PRKG1: variants seen among roughly 807,000 people sequenced by gnomAD.
PRKG1 encodes cGMP-dependent protein kinase 1.
Under a neutral mutation model 88.1 loss-of-function variants are expected in PRKG1, and 35 were observed. The observed-to-expected ratio is 0.40, with a 90% confidence interval of 0.30 to 0.53. PRKG1 has a LOEUF of 0.53. Ranked by LOEUF, PRKG1 falls within the 20% of genes least tolerant of loss-of-function variation. PRKG1 has a pLI of 0.59. For missense variants in PRKG1, 540 were observed against 839.8 expected, an observed-to-expected ratio of 0.64 and a Z score of 4.41; for synonymous variants, 303 against 292.5, an observed-to-expected ratio of 1.04 and a Z score of -0.37.
intron 3 of PRKG1, among the ~76,000 whole-genome samples, chr10:51,549,615 T>G (rs1842533197): frequency 6.6e-6 from 1 of 152,282 alleles, no homozygotes; most frequent in South Asian, 2.1e-4. Flanking sequence ...AGATTACCTG[T>G]TTAAAGATGC....
intron 3 of PRKG1, among the ~76,000 whole-genome samples, chr10:51,600,251 A>T (rs572647987): frequency 3.3e-5 from 5 of 152,288 alleles, no homozygotes; most frequent in Admixed American, 2.0e-4. Context: ...ATGTGGAAGC[A>T]TGTGTGTCTT....
chr10:52,123,087 A>G (rs779624315), intron 7 of PRKG1, among the ~76,000 whole-genome samples: 24 of 152,234 alleles, frequency 1.6e-4, no homozygotes, highest in Admixed American at 5.2e-4. Flanking sequence ...GGCTCAGTCT[A>G]ATAAATGGCT....
Position 51,782,779 on chromosome 10 carries a change from C to T in PRKG1, c.593-21806C>T, listed in dbSNP as rs547076983. Among the ~76,000 whole-genome samples the T allele has an allele frequency of 1.1e-3, 171 of 152,222 alleles. 1 individual carries two copies. Among genetic ancestry groups the T allele is most frequent in the African/African-American group, 3.9e-3 (162 of 41,544 alleles). On this transcript the variant is annotated intron_variant, in intron 3 of 17. Transcript: ENST00000373980. ...TTTGCCTGCTGCCATCCATGTAAGA[C>T]GGGACTAGCTCCTCCTTGCCTTCTG...
At chr10:51,183,696 C>T (rs1358819476) in intron 2 of PRKG1, among the ~76,000 whole-genome samples, 1 of 152,000 alleles carries the variant, frequency 6.6e-6, no homozygotes, top group Non-Finnish European at 1.5e-5. Flanking sequence ...TTTCTACTTG[C>T]CTATATTTAT....
At chr10:51,834,537 A>C (rs891473576) in intron 4 of PRKG1, among the ~76,000 whole-genome samples, 1 of 151,974 alleles carries the variant, frequency 6.6e-6, no homozygotes, top group Non-Finnish European at 1.5e-5. Context: ...GCTACTTGGA[A>C]GGCTGAGGTG....
At chr10:51,756,401 T>C (rs1354533855) in intron 3 of PRKG1, among the ~76,000 whole-genome samples, 1 of 150,510 alleles carries the variant, frequency 6.6e-6, no homozygotes. Context: ...GTGGGAGGAT[T>C]GCTTGAGCCT....
chr10:51,501,094 G>C (rs941431712), intron 3 of PRKG1, among the ~76,000 whole-genome samples: 4 of 152,066 alleles, frequency 2.6e-5, no homozygotes, highest in African/African-American at 9.7e-5. Context: ...TGGCCATTTT[G>C]TTCAGTTTTC....
At chr10:51,288,716 A>C (rs1840505941) in intron 2 of PRKG1, among the ~76,000 whole-genome samples, 1 of 152,212 alleles carries the variant, frequency 6.6e-6, no homozygotes, top group African/African-American at 2.4e-5. Context: ...AATAAGCTGA[A>C]AAGATTACAA....
At chr10:51,345,175 G>T (rs72805003) in intron 2 of PRKG1, among the ~76,000 whole-genome samples, 2 of 151,874 alleles carry the variant, frequency 1.3e-5, no homozygotes, top group African/African-American at 4.8e-5. Flanking sequence ...AAATAAAAGA[G>T]ATATTAAATT....
intron 3 of PRKG1, among the ~76,000 whole-genome samples, chr10:51,723,097 T>C (rs1842051629): frequency 6.6e-6 from 1 of 152,206 alleles, no homozygotes; most frequent in Non-Finnish European, 1.5e-5. Flanking sequence ...AATTTGATGT[T>C]TTTGTCATAA....
chr10:51,917,553 G>C (rs10823893), intron 5 of PRKG1, among the ~76,000 whole-genome samples: 1 of 151,918 alleles, frequency 6.6e-6, no homozygotes, highest in Admixed American at 6.5e-5. Flanking sequence ...TAAGAAGAAT[G>C]TGTACTTGGG....
rs1196016935 is a variant in PRKG1, at chr10:51,628,098, CT to C, written c.592+160265del. On this transcript the variant is annotated intron_variant, in intron 3 of 17. Transcript: ENST00000373980. The stretch of plus-strand genomic sequence containing the variant: ...TTTCTTTCTTTCTTTCCTTCCTTCC[CT>C]TTCTTTCTTTCCTTCTTTATTTCTC... Among the ~76,000 whole-genome samples, 12 of 141,058 alleles carry C rather than the reference CT, an allele frequency of 8.5e-5. 1 individual carries two copies. The East Asian group carries it at 2.1e-3, about 24-fold the overall frequency. The allele number at this position is 141,058 out of a possible 152,430, so 92.5% of individuals were successfully genotyped here.
intron 2 of PRKG1, among the ~76,000 whole-genome samples, chr10:51,204,616 C>T (rs1490201289): frequency 1.3e-5 from 2 of 152,074 alleles, no homozygotes; most frequent in Admixed American, 1.3e-4. Flanking sequence ...GGTCAAAAAC[C>T]TGTGGATATT....
intron 9 of PRKG1, among the ~76,000 whole-genome samples, chr10:52,203,259 A>G (rs921961562): frequency 6.6e-6 from 1 of 152,018 alleles, no homozygotes; most frequent in Non-Finnish European, 1.5e-5. Flanking sequence ...TTCTGCCTTA[A>G]TTTCATTGTT....
chr10:51,731,649 G>T (rs531798528), intron 3 of PRKG1, among the ~76,000 whole-genome samples: 1 of 152,092 alleles, frequency 6.6e-6, no homozygotes, highest in Non-Finnish European at 1.5e-5. Flanking sequence ...AGTGTTTTTT[G>T]TGTATGTAAC....
At chr10:51,235,121 A>G (rs1022618926) in intron 2 of PRKG1, among the ~76,000 whole-genome samples, 18 of 152,290 alleles carry the variant, frequency 1.2e-4, no homozygotes, top group African/African-American at 4.1e-4. Context: ...TCCATGCAGG[A>G]AGCCAGAGTT....
chr10:51,743,680 ATATAATTTAT>A (rs1449479897), intron 3 of PRKG1, among the ~76,000 whole-genome samples: 1 of 137,336 alleles, frequency 7.3e-6, no homozygotes, highest in African/African-American at 2.8e-5. Flanking sequence ...ATTTATATAT[ATATAATTTAT>A]TATATATATA....
chr10:50,991,676 GT>G lies in PRKG1; in HGVS notation c.266+33del. On this transcript the variant is annotated intron_variant, in intron 1 of 17. Coordinates refer to the PRKG1 transcript ENST00000401604. This position sits in a 1 kb window ranked among gnomAD's most constrained non-coding sequence, Gnocchi z 4.5. ...GCGGAGGCCGTGGGCCCGGGCGCTC[GT>G]CCCGGCCCGCGGCGCAGAGGCTGGG... The G allele has an allele frequency of 2.1e-6, 3 of 1,415,404 alleles. No individual in the cohort carries two copies. Among genetic ancestry groups the G allele is most frequent in the Non-Finnish European group, 2.8e-6 (3 of 1,079,584 alleles). The allele number at this position is 1,415,404 out of a possible 1,614,324, so 87.7% of individuals were successfully genotyped here.
chr10:51,292,898 G>A (rs1840621309), intron 2 of PRKG1, among the ~76,000 whole-genome samples: 1 of 151,996 alleles, frequency 6.6e-6, no homozygotes, highest in Admixed American at 6.6e-5. Context: ...AATGATTGGA[G>A]CCACTTTTTT....
Sources: gnomAD v4.1 joint callset for allele counts (sites outside exome capture counted in the v4.1 genomes callset) on GRCh38, gnomAD v4.1.1 for gene constraint, Gnocchi (gnomAD v3.1) non-coding constraint, MANE v1.5 for transcripts, NCBI Gene and HGNC (gene_info 2026-07-23, HGNC 2026-07-21) for gene names.